Variants in CACNA2D3 observed in about 807,000 individuals in gnomAD.
CACNA2D3 encodes voltage-dependent calcium channel subunit alpha-2/delta-3.
CACNA2D3 carries 60 observed loss-of-function variants against 160.6 expected under a neutral mutation model. The ratio of observed to expected loss-of-function variants is 0.37; its 90% CI spans 0.30 to 0.46. The LOEUF (loss-of-function observed/expected upper bound fraction) is 0.46, where lower values mean the gene tolerates loss of function less well. Ranked by LOEUF, CACNA2D3 falls within the 20% of genes least tolerant of loss-of-function variation. The probability of loss-of-function intolerance (pLI) is 1.00; values close to 1 mark genes in which losing one functional copy is unlikely to be tolerated. For synonymous variants in CACNA2D3, 558 were observed against 492.9 expected (o/e 1.13, Z -1.75); for missense variants, 1,205 against 1,365.0 (o/e 0.88, Z 1.85).
At chr3:54,667,900 T>C (rs919720548) in intron 11 of CACNA2D3, among the ~76,000 whole-genome samples, 2 of 151,272 alleles carry the variant, frequency 1.3e-5, no homozygotes, top group Non-Finnish European at 2.9e-5. Flanking sequence ...TGAGCCGTAA[T>C]TACGTGACTG....
chr3:54,577,637 CT>C (rs11286680), intron 8 of CACNA2D3, among the ~76,000 whole-genome samples: 51,840 of 152,002 alleles, frequency 0.34, 9,797 homozygotes, highest in Non-Finnish European at 0.43. Context: ...TATATATTTT[CT>C]TTCTTTTTTG....
At chr3:54,305,338 C>T (rs7616533) in intron 2 of CACNA2D3, among the ~76,000 whole-genome samples, 62,035 of 151,972 alleles carry the variant, frequency 0.41, 13,115 homozygotes, top group Middle Eastern at 0.56. Context: ...CCTGTGACCC[C>T]GGCCTGAAAT....
At chr3:54,878,321 T>C (rs1699712860) in intron 18 of CACNA2D3, among the ~76,000 whole-genome samples, 1 of 152,138 alleles carries the variant, frequency 6.6e-6, no homozygotes. Flanking sequence ...CGGCACATCT[T>C]TCATCACTGC....
chr3:54,202,634 A>G (rs1268913341), intron 2 of CACNA2D3, among the ~76,000 whole-genome samples: 1 of 152,236 alleles, frequency 6.6e-6, no homozygotes, highest in Non-Finnish European at 1.5e-5. Context: ...CAGTTAATGC[A>G]TGGATTCATT....
intron 11 of CACNA2D3, among the ~76,000 whole-genome samples, chr3:54,724,655 T>C (rs1415717395): frequency 6.6e-6 from 1 of 152,196 alleles, no homozygotes; most frequent in Non-Finnish European, 1.5e-5. Context: ...CTGAACAGCC[T>C]GCTCCTGAAT....
At chr3:54,246,916 G>A (rs1278306635) in intron 2 of CACNA2D3, among the ~76,000 whole-genome samples, 1 of 152,172 alleles carries the variant, frequency 6.6e-6, no homozygotes. Flanking sequence ...GGATGGAGGT[G>A]TACAACACCA....
chr3:54,455,068 T>C (rs969141110), intron 4 of CACNA2D3, among the ~76,000 whole-genome samples: 53 of 152,276 alleles, frequency 3.5e-4, no homozygotes, highest in African/African-American at 1.3e-3. Context: ...GGCGCAGATA[T>C]CTCTTCAACA....
rs1700648437 is a variant in CACNA2D3 at position 54,174,961 on chromosome 3, A to G, written c.204+51367A>G. 2.0e-5 allele frequency among the ~76,000 whole-genome samples: 3 copies of G among 152,136 alleles called. No individual in the cohort carries two copies. In the East Asian group the frequency reaches 5.8e-4, roughly 29 times the overall value. ...TGGTTTCTGCCTCATTTGCTGCTATAGGCCTTTTGGTTGAGCTTCAGCTGT... is the reference window on the plus strand; with the variant it reads ...TGGTTTCTGCCTCATTTGCTGCTATGGGCCTTTTGGTTGAGCTTCAGCTGT... On this transcript the variant is annotated intron_variant, in intron 2 of 37. Coordinates refer to ENST00000474759, the MANE Select transcript of CACNA2D3 (RefSeq NM_018398.3).
intron 27 of CACNA2D3, among the ~76,000 whole-genome samples, chr3:54,950,775 T>C (rs981439383): frequency 6.6e-6 from 1 of 152,132 alleles, no homozygotes; most frequent in Non-Finnish European, 1.5e-5. Flanking sequence ...TCTTGCACCT[T>C]GATCGGGGCC....
intron 4 of CACNA2D3, among the ~76,000 whole-genome samples, chr3:54,474,449 A>T (rs939468586): frequency 2.0e-5 from 3 of 152,128 alleles, no homozygotes; most frequent in African/African-American, 7.2e-5. Flanking sequence ...CCTAATGTAG[A>T]TGATGGGTTG....
At chr3:54,246,459 A>G (rs142970961) in intron 2 of CACNA2D3, among the ~76,000 whole-genome samples, 2,951 of 152,180 alleles carry the variant, frequency 0.019, 84 homozygotes, top group African/African-American at 0.066. Flanking sequence ...TTGGGAGGCC[A>G]AGGTGGGTGG....
At chr3:54,326,891 TAGAG>T (rs373157003) in intron 3 of CACNA2D3, among the ~76,000 whole-genome samples, 3 of 152,288 alleles carry the variant, frequency 2.0e-5, no homozygotes, top group Admixed American at 6.5e-5. Flanking sequence ...GAGTCACAGA[TAGAG>T]GGAGGAGACT....
intron 15 of CACNA2D3, among the ~76,000 whole-genome samples, chr3:54,838,278 G>C (rs1291686674): frequency 6.6e-6 from 1 of 152,144 alleles, no homozygotes; most frequent in Non-Finnish European, 1.5e-5. Context: ...CTTCAAATCA[G>C]TGTTTAATTT....
intron 2 of CACNA2D3, among the ~76,000 whole-genome samples, chr3:54,286,870 C>A (rs1343799329): frequency 2.0e-5 from 3 of 152,046 alleles, no homozygotes; most frequent in African/African-American, 7.2e-5. Context: ...TACAGACAAG[C>A]AAATGCTGAG....
intron 2 of CACNA2D3, among the ~76,000 whole-genome samples, chr3:54,193,911 C>T (rs75977408): frequency 0.078 from 11,906 of 152,248 alleles, 575 homozygotes; most frequent in African/African-American, 0.13. Flanking sequence ...CTATCTGCCT[C>T]ACTGGGATGT....
At chr3:54,390,963 C>G (rs927690394) in intron 4 of CACNA2D3, among the ~76,000 whole-genome samples, 1 of 151,876 alleles carries the variant, frequency 6.6e-6, no homozygotes, top group Non-Finnish European at 1.5e-5. Flanking sequence ...ACCCTATTAG[C>G]TCAGGAGGAG....
intron 13 of CACNA2D3, among the ~76,000 whole-genome samples, chr3:54,767,821 A>G (rs890792093): frequency 6.6e-6 from 1 of 152,194 alleles, no homozygotes; most frequent in Admixed American, 6.5e-5. Context: ...ATCTGGGACA[A>G]TTTGAGCCTC....
intron 5 of CACNA2D3, among the ~76,000 whole-genome samples, chr3:54,557,712 G>A (rs2106697480): frequency 6.6e-6 from 1 of 152,270 alleles, no homozygotes; most frequent in Non-Finnish European, 1.5e-5. Context: ...CGCTAGGGGT[G>A]AGTCACAATA....
chr3:54,354,655 C>T (rs1333069928), intron 3 of CACNA2D3, among the ~76,000 whole-genome samples: 1 of 152,136 alleles, frequency 6.6e-6, no homozygotes, highest in Non-Finnish European at 1.5e-5. Context: ...GAAAAACAGG[C>T]AAAATGATTT....
Sources: gnomAD v4.1 joint callset for allele counts (sites outside exome capture counted in the v4.1 genomes callset) on GRCh38, gnomAD v4.1.1 for gene constraint, MANE v1.5 for transcripts, NCBI Gene and HGNC (gene_info 2026-07-23, HGNC 2026-07-21) for gene names.